FARS2: variants seen among roughly 807,000 people sequenced by gnomAD.
The protein encoded by FARS2 is phenylalanine--tRNA ligase, mitochondrial.
In FARS2, 40 loss-of-function variants were observed where a neutral mutation model predicts 46.4. That is an observed-to-expected ratio of 0.86 (90% CI 0.67 to 1.12). The LOEUF (loss-of-function observed/expected upper bound fraction) is 1.12. Ranked by LOEUF, FARS2 falls within the 50% of genes most tolerant of loss-of-function variation. The probability of loss-of-function intolerance (pLI) is 0.00; values close to 1 mark genes in which losing one functional copy is unlikely to be tolerated. For missense variants in FARS2, 513 were observed against 567.9 expected, an observed-to-expected ratio of 0.90 and a Z score of 0.98; for synonymous variants, 234 against 214.9, an observed-to-expected ratio of 1.09 and a Z score of -0.78.
intron 6 of FARS2, among the ~76,000 whole-genome samples, chr6:5,721,798 C>G (rs1479863552): frequency 6.6e-6 from 1 of 152,232 alleles, no homozygotes; most frequent in African/African-American, 2.4e-5. Flanking sequence ...CATTTATTAT[C>G]TCTGCCATCA....
intron 3 of FARS2, among the ~76,000 whole-genome samples, chr6:5,420,675 C>T (rs185719723): frequency 1.6e-3 from 248 of 152,300 alleles, no homozygotes; most frequent in Non-Finnish European, 2.4e-3. Flanking sequence ...TTTTGGGCAG[C>T]TCTGCCCCTG....
At chr6:5,625,888 C>G (rs1776007455) in intron 6 of FARS2, among the ~76,000 whole-genome samples, 1 of 152,184 alleles carries the variant, frequency 6.6e-6, no homozygotes, top group Admixed American at 6.5e-5. Flanking sequence ...GGCTGAATCT[C>G]AGATGCGCAG....
intron 6 of FARS2, among the ~76,000 whole-genome samples, chr6:5,737,607 A>T (rs1410432738): frequency 6.6e-6 from 1 of 152,208 alleles, no homozygotes; most frequent in South Asian, 2.1e-4. Context: ...GGCAGATGGC[A>T]TTGGTCAGCT....
intron 5 of FARS2, among the ~76,000 whole-genome samples, chr6:5,601,842 C>G (rs1221260060): frequency 3.3e-5 from 5 of 152,122 alleles, no homozygotes; most frequent in Non-Finnish European, 5.9e-5. Flanking sequence ...CAATCAAAAT[C>G]AGGGGACGTG....
intron 6 of FARS2, among the ~76,000 whole-genome samples, chr6:5,658,499 T>G (rs942103282): frequency 6.6e-6 from 1 of 152,194 alleles, no homozygotes; most frequent in African/African-American, 2.4e-5. Flanking sequence ...AGTACACCAG[T>G]GTGCACTCTA....
intron 6 of FARS2, among the ~76,000 whole-genome samples, chr6:5,673,666 C>T (rs1188060600): frequency 1.3e-5 from 2 of 152,116 alleles, no homozygotes; most frequent in Non-Finnish European, 2.9e-5. Context: ...TTCTTTGCTG[C>T]CATGTCGATG....
At chr6:5,454,444 C>T (rs555439007) in intron 4 of FARS2, among the ~76,000 whole-genome samples, 9 of 152,018 alleles carry the variant, frequency 5.9e-5, no homozygotes, top group Middle Eastern at 6.8e-3. Flanking sequence ...CAGGTTCAAG[C>T]GATTCTCCTG....
chr6:5,622,844 A>G (rs77184684), intron 6 of FARS2, among the ~76,000 whole-genome samples: 1 of 152,164 alleles, frequency 6.6e-6, no homozygotes, highest in Non-Finnish European at 1.5e-5. Flanking sequence ...ACAATAGCTC[A>G]TTTTCGTCTT....
chr6:5,285,001 G>A (rs73718038), intron 1 of FARS2, among the ~76,000 whole-genome samples: 4,825 of 152,234 alleles, frequency 0.032, 259 homozygotes, highest in African/African-American at 0.11. Flanking sequence ...AACCTCTAAC[G>A]TTTTGTTAAG....
At chr6:5,599,172 G>A (rs1774367952) in intron 5 of FARS2, among the ~76,000 whole-genome samples, 1 of 152,176 alleles carries the variant, frequency 6.6e-6, no homozygotes, top group South Asian at 2.1e-4. Context: ...CGCAGACCTA[G>A]CTTCTCATTA....
intron 6 of FARS2, among the ~76,000 whole-genome samples, chr6:5,730,076 G>A (rs954399303): frequency 6.6e-6 from 1 of 152,138 alleles, no homozygotes; most frequent in Non-Finnish European, 1.5e-5. Context: ...TCACACCAAG[G>A]CAGCCCACCC....
chr6:5,482,285 A>C (rs2432805), intron 4 of FARS2, among the ~76,000 whole-genome samples: 77,036 of 151,694 alleles, frequency 0.51, 19,614 homozygotes, highest in South Asian at 0.61. Flanking sequence ...TGGCAGAATT[A>C]TTTTTTTCTA....
chr6:5,340,328 C>T (rs541393483), intron 1 of FARS2, among the ~76,000 whole-genome samples: 21 of 152,246 alleles, frequency 1.4e-4, no homozygotes, highest in East Asian at 1.9e-4. Flanking sequence ...CAGAAGGATG[C>T]GTGCGTATAC....
chr6:5,675,950 G>T lies in FARS2; in HGVS notation c.1217+62630G>T, dbSNP rs558449720. Among the ~76,000 whole-genome samples the T allele has an allele frequency of 5.3e-5, 8 of 152,046 alleles. No homozygotes were observed. In the South Asian group the frequency reaches 1.7e-3, roughly 32 times the overall value. On this transcript the variant is annotated intron_variant, in intron 6 of 6. Transcript: ENST00000274680. Reference sequence around the variant, plus strand: ...ATGGCATATGCTGCATTGAACCCAAGGTGAAAATCATTCTTTTTTTTCTCA... The same window carrying T: ...ATGGCATATGCTGCATTGAACCCAATGTGAAAATCATTCTTTTTTTTCTCA...
At chr6:5,760,847 C>A (rs2150977729) in intron 6 of FARS2, among the ~76,000 whole-genome samples, 1 of 152,334 alleles carries the variant, frequency 6.6e-6, no homozygotes, top group South Asian at 2.1e-4. Flanking sequence ...GTCTGTGAAA[C>A]TGCTCTGATC....
chr6:5,285,612 T>C (rs1767053321), intron 1 of FARS2, among the ~76,000 whole-genome samples: 1 of 152,216 alleles, frequency 6.6e-6, no homozygotes, highest in Non-Finnish European at 1.5e-5. Flanking sequence ...GCATTCTCTC[T>C]TCAGGCAAGA....
At chr6:5,446,490 C>T (rs1249462566) in intron 4 of FARS2, among the ~76,000 whole-genome samples, 2 of 152,124 alleles carry the variant, frequency 1.3e-5, no homozygotes, top group African/African-American at 4.8e-5. Flanking sequence ...GGAACCATAC[C>T]CACATCATAT....
At chr6:5,580,289 CAAAAA>C (rs35150084) in intron 5 of FARS2, among the ~76,000 whole-genome samples, 1 of 105,148 alleles carries the variant, frequency 9.5e-6, no homozygotes, top group African/African-American at 3.7e-5. Flanking sequence ...GACTCCGTCT[CAAAAA>C]AAAAAAAAAA....
At chr6:5,598,467 A>C (rs1198770587) in intron 5 of FARS2, among the ~76,000 whole-genome samples, 2 of 152,212 alleles carry the variant, frequency 1.3e-5, no homozygotes, top group Admixed American at 1.3e-4. Context: ...TCTTCTCTCC[A>C]TTTCTACCCT....
Sources: allele counts gnomAD v4.1 joint callset (sites outside exome capture counted in the v4.1 genomes callset), GRCh38; gene constraint gnomAD v4.1.1; transcripts MANE v1.5; gene names NCBI Gene and HGNC (gene_info 2026-07-23, HGNC 2026-07-21).